The following CACNA1D variants were observed in gnomAD, a reference collection of about 807,000 sequenced individuals.
CACNA1D encodes the protein voltage-dependent L-type calcium channel subunit alpha-1D.
A neutral mutation model predicts 257.1 loss-of-function variants in CACNA1D; 55 were observed. The ratio of observed to expected loss-of-function variants is 0.21; its 90% CI spans 0.17 to 0.27. The LOEUF is 0.27. CACNA1D is among the 10% of genes least tolerant of loss of function. The pLI, the probability that CACNA1D is intolerant of heterozygous loss-of-function variation, is 1.00. For synonymous variants in CACNA1D, 980 were observed against 1,014.9 expected (o/e 0.97, Z 0.65); for missense variants, 1,876 against 2,784.0 (o/e 0.67, Z 7.34).
intron 20 of CACNA1D, 123 bp downstream of exon 20, chr3:53,735,626 TG>T: frequency 1.9e-6 from 2 of 1,070,452 alleles, no homozygotes; most frequent in Non-Finnish European, 2.8e-6. Flanking sequence ...TTCCTTCAGC[TG>T]GGGACGTTGG....
chr3:53,633,057 A>G (rs542490438), intron 3 of CACNA1D, among the ~76,000 whole-genome samples: 5 of 152,366 alleles, frequency 3.3e-5, no homozygotes, highest in African/African-American at 4.8e-5. Context: ...AAAAAATTGC[A>G]TTGTCTGTGA....
intron 3 of CACNA1D, among the ~76,000 whole-genome samples, chr3:53,502,712 C>T (rs370499985): frequency 2.6e-5 from 4 of 152,180 alleles, no homozygotes; most frequent in South Asian, 4.2e-4. Flanking sequence ...TTGCTAGTAT[C>T]GTTTTTACCT....
intron 3 of CACNA1D, among the ~76,000 whole-genome samples, chr3:53,647,121 G>A (rs2094030069): frequency 6.6e-6 from 1 of 151,794 alleles, no homozygotes; most frequent in Non-Finnish European, 1.5e-5. Flanking sequence ...CGTGGGCGGG[G>A]TAGGGGGAGG....
chr3:53,681,992 TGAAAG>T (rs1057341221), intron 8 of CACNA1D, among the ~76,000 whole-genome samples: 2 of 151,956 alleles, frequency 1.3e-5, no homozygotes, highest in African/African-American at 2.4e-5. Context: ...TGAAGTCAGA[TGAAAG>T]GAAAGAGACT....
At chr3:53,775,687 G>C (rs528929454) in intron 34 of CACNA1D, among the ~76,000 whole-genome samples, 199 bp from the exon 35 acceptor site, 259 of 152,266 alleles carry the variant, frequency 1.7e-3, no homozygotes, top group Non-Finnish European at 2.0e-3. Flanking sequence ...AAATCCAAGG[G>C]AATTGCAGCA....
intron 3 of CACNA1D, 53 bp downstream of exon 3, chr3:53,501,773 C>A: frequency 9.7e-7 from 1 of 1,028,744 alleles, no homozygotes; most frequent in Non-Finnish European, 1.5e-6. Context: ...TCATTTGCTT[C>A]TATACTTAAA....
Position 53,733,585 on chromosome 3 carries a change from A to G in CACNA1D, c.2621+623A>G, listed in dbSNP as rs181530471. ...TAAAATGATAAGGTGCTCACAAGGA[A>G]CAGGGTAATGACTCACAAGTACTAT... is the stretch of plus-strand genomic sequence containing the variant. On this transcript the variant is annotated intron_variant, in intron 19 of 47. Transcript: ENST00000350061. Among the ~76,000 whole-genome samples the G allele has an allele frequency of 2.2e-4, 33 of 152,314 alleles. No homozygotes were observed. In the East Asian group the frequency reaches 6.2e-3, roughly 28 times the overall value.
At chr3:53,682,573 A>G (rs549890265) in intron 8 of CACNA1D, among the ~76,000 whole-genome samples, 15 of 150,956 alleles carry the variant, frequency 9.9e-5, no homozygotes, top group Middle Eastern at 3.4e-3. Flanking sequence ...AAAAAAGAAG[A>G]AGAAGAAAAG....
chr3:53,767,801 CT>C (rs749421358), intron 30 of CACNA1D, among the ~76,000 whole-genome samples: 6 of 152,160 alleles, frequency 3.9e-5, no homozygotes. Context: ...ATTTTGGCAA[CT>C]TGCACTGTCC....
intron 3 of CACNA1D, among the ~76,000 whole-genome samples, chr3:53,562,797 C>T (rs931724441): frequency 3.3e-5 from 5 of 152,172 alleles, no homozygotes; most frequent in Admixed American, 6.5e-5. Flanking sequence ...CAAATATACC[C>T]GGCTGCAGAA....
chr3:53,507,839 T>A (rs1240395302), intron 3 of CACNA1D, among the ~76,000 whole-genome samples: 1 of 152,140 alleles, frequency 6.6e-6, no homozygotes, highest in African/African-American at 2.4e-5. Flanking sequence ...TAGCCAGAAC[T>A]CTTTGGGTTA....
At chr3:53,586,292 G>C (rs1559879191) in intron 3 of CACNA1D, among the ~76,000 whole-genome samples, 1 of 151,250 alleles carries the variant, frequency 6.6e-6, no homozygotes, top group African/African-American at 2.4e-5. Context: ...GTGTGTGTGT[G>C]TGTGTGTGTG....
intron 3 of CACNA1D, among the ~76,000 whole-genome samples, chr3:53,527,084 C>T (rs753679905): frequency 2.6e-4 from 39 of 152,208 alleles, no homozygotes; most frequent in Non-Finnish European, 4.6e-4. Context: ...CAAGTACTTT[C>T]GTGTCCATTC....
At chr3:53,696,519 G>T (rs1166015363) in intron 8 of CACNA1D, among the ~76,000 whole-genome samples, 1 of 152,210 alleles carries the variant, frequency 6.6e-6, no homozygotes, top group African/African-American at 2.4e-5. Context: ...CAAGGCTGAG[G>T]GGGCCACCCA....
intron 4 of CACNA1D, among the ~76,000 whole-genome samples, chr3:53,658,213 G>A (rs902506706): frequency 7.3e-5 from 11 of 150,222 alleles, no homozygotes; most frequent in Non-Finnish European, 1.3e-4. Flanking sequence ...TTTGAGAGGC[G>A]TGGTGGTGAG....
intron 8 of CACNA1D, among the ~76,000 whole-genome samples, chr3:53,693,432 TA>T (rs1198959187): frequency 6.6e-6 from 1 of 151,912 alleles, no homozygotes; most frequent in African/African-American, 2.4e-5. Context: ...AAAAATTTTT[TA>T]AATTGTGAAA....
intron 7 of CACNA1D, among the ~76,000 whole-genome samples, chr3:53,671,064 C>CT (rs550622887): frequency 3.9e-5 from 6 of 152,204 alleles, no homozygotes; most frequent in Non-Finnish European, 5.9e-5. Flanking sequence ...CAGGCCTCAA[C>CT]TGTCATTCCA....
chr3:53,522,541 T>G (rs1378477167), intron 3 of CACNA1D, among the ~76,000 whole-genome samples: 3 of 152,236 alleles, frequency 2.0e-5, no homozygotes, highest in Non-Finnish European at 4.4e-5. Context: ...GCAAGAAGTG[T>G]GTTCTTTCTT....
At chr3:53,564,171 C>CT (rs1170908078) in intron 3 of CACNA1D, among the ~76,000 whole-genome samples, 45 of 151,068 alleles carry the variant, frequency 3.0e-4, no homozygotes, top group East Asian at 5.8e-4. Flanking sequence ...ACTGGTTTGT[C>CT]TTTTTTTTTG....
Sources: allele counts gnomAD v4.1 joint callset (sites outside exome capture counted in the v4.1 genomes callset), GRCh38; gene constraint gnomAD v4.1.1; transcripts MANE v1.5; gene names NCBI Gene and HGNC (gene_info 2026-07-23, HGNC 2026-07-21).